The following CNDP2 variants were observed in gnomAD, a reference collection of about 807,000 sequenced individuals.
CNDP2 encodes carnosine dipeptidase 2.
In CNDP2, 38 loss-of-function variants were observed where a neutral mutation model predicts 55.0. The observed-to-expected ratio is 0.69, with a 90% CI of 0.53 to 0.90. CNDP2 has a LOEUF of 0.90. Among genes scored for constraint, CNDP2 ranks in the 40% least tolerant of loss-of-function variants. The pLI is 0.00. For missense variants in CNDP2, 607 were observed against 621.7 expected (o/e 0.98, Z 0.25); for synonymous variants, 241 against 260.2 (o/e 0.93, Z 0.71).
intron 3 of CNDP2, among the ~76,000 whole-genome samples, chr18:74,503,805 G>A (rs1978847617): frequency 6.6e-6 from 1 of 152,076 alleles, no homozygotes; most frequent in Admixed American, 6.5e-5. Flanking sequence ...TGCACACGCA[G>A]CCACAGTGCC....
intron 4 of CNDP2, among the ~76,000 whole-genome samples, chr18:74,506,713 G>C (rs889616867): frequency 2.6e-5 from 4 of 152,218 alleles, no homozygotes. Flanking sequence ...TGCCCCAGTG[G>C]GGGTGGCGAT....
At chr18:74,512,330 A>C (rs1286229339) in intron 6 of CNDP2, 118 bp from the exon 7 acceptor site, 1 of 925,254 alleles carries the variant, frequency 1.1e-6, no homozygotes, top group Non-Finnish European at 1.6e-6. Context: ...CTGAGGGAGC[A>C]AATTTTGATT....
chr18:74,503,001 C>A (rs757928508), intron 3 of CNDP2, among the ~76,000 whole-genome samples: 1 of 151,284 alleles, frequency 6.6e-6, no homozygotes, highest in Non-Finnish European at 1.5e-5. Flanking sequence ...ATTTTCCCCC[C>A]ATCTTTGGGA....
At chr18:74,515,772 C>G (rs1363564015) in intron 8 of CNDP2, among the ~76,000 whole-genome samples, 1 of 152,180 alleles carries the variant, frequency 6.6e-6, no homozygotes, top group Admixed American at 6.5e-5. Flanking sequence ...CAGCCTGGCT[C>G]TCCTCTCTCA....
At position 74,520,444 on chromosome 18, in the gene CNDP2, C is replaced by G. The variant is rs1599075572; in HGVS notation, c.*376C>G. The G allele has an allele frequency of 4.7e-6, 1 of 212,166 alleles. No homozygotes were observed. Among genetic ancestry groups the G allele is most frequent in the African/African-American group, 2.3e-5 (1 of 42,788 alleles). 13.1% of individuals were successfully genotyped at this position (212,166 alleles called of 1,614,324 possible). ...CCAAGACAGGAGGATCACTTGAGGC[C>G]AGGAGTCTGAGACAAGCCTAGGCAA... On this transcript the variant is annotated 3_prime_UTR_variant, in exon 12 of 12. Coordinates refer to ENST00000324262, the MANE Select transcript of CNDP2 (RefSeq NM_018235.3).
intron 6 of CNDP2, chr18:74,512,140 T>C: frequency 3.5e-6 from 1 of 289,086 alleles, no homozygotes; most frequent in Non-Finnish European, 6.6e-6. Context: ...TCAGCAGAGG[T>C]GCAGGGTCTT....
chr18:74,506,150 T>C lies in CNDP2; in HGVS notation c.367+139T>C, dbSNP rs931457827. 4 of 814,502 alleles carry C rather than the reference T, an allele frequency of 4.9e-6. No individual in the cohort carries two copies. In the African/African-American group the frequency reaches 7.1e-5, roughly 15 times the overall value. 50.5% of individuals were successfully genotyped at this position (814,502 alleles called of 1,614,324 possible). A position where few individuals can be genotyped will look rare whatever the true frequency, so the allele number is the denominator to read the frequency against. On this transcript the variant is annotated intron_variant, in intron 4 of 11. Coordinates refer to ENST00000324262, the MANE Select transcript of CNDP2 (RefSeq NM_018235.3). ...TTTATTACTTTTTAAAAATCTTTTT[T>C]TGAGACAGAGTCTCACTCTGTAGCT...
chr18:74,519,225 G>A, intron 11 of CNDP2, 129 bp downstream of exon 11: 1 of 1,220,978 alleles, frequency 8.2e-7, no homozygotes, highest in South Asian at 1.7e-5. Context: ...CTGCCCTCCT[G>A]TATTTGTGTG....
intron 8 of CNDP2, 133 bp downstream of exon 8, chr18:74,513,852 A>T: frequency 1.1e-6 from 1 of 894,440 alleles, no homozygotes; most frequent in Admixed American, 2.9e-5. Context: ...CACATGAGTC[A>T]CTCAGAAAGC....
intron 10 of CNDP2, 141 bp from the exon 11 acceptor site, chr18:74,518,808 C>A: frequency 6.9e-7 from 1 of 1,439,974 alleles, no homozygotes; most frequent in Non-Finnish European, 9.6e-7. Context: ...GCCTGGACCC[C>A]TGGCGGACCT....
Position 74,516,362 on chromosome 18 carries a change from G to T in CNDP2, c.1038G>T (p.Pro346=). 6.2e-7 allele frequency: 1 copy of T among 1,613,540 alleles called. No individual in the cohort carries two copies. The highest frequency in any genetic ancestry group is 1.1e-5 in the South Asian group (1 of 91,018). ...VVGKFSIRLV[P]NMTPEVVGEQ... is the part of the protein sequence containing the mutation. ...GCAAGTTCTCCATCAGGCTCGTGCCGAACATGACTCCTGAAGTCGTCGGCG... is the reference window on the plus strand; with the variant it reads ...GCAAGTTCTCCATCAGGCTCGTGCCTAACATGACTCCTGAAGTCGTCGGCG... The change falls in exon 9 of 12, where the codon CCG becomes CCT. Residue 346 remains proline, a synonymous_variant. Transcript: ENST00000324262.
At chr18:74,508,581 GC>G in intron 4 of CNDP2, 1 of 444,682 alleles carries the variant, frequency 2.2e-6, no homozygotes, top group Non-Finnish European at 4.1e-6. Flanking sequence ...AGGAAGCCAT[GC>G]CCCCACCTGA....
chr18:74,512,605 C>A, intron 7 of CNDP2, 73 bp downstream of exon 7: 1 of 1,316,586 alleles, frequency 7.6e-7, no homozygotes, highest in Non-Finnish European at 1.1e-6. Flanking sequence ...TGTCTGTCAT[C>A]AGCATTGGGT....
At chr18:74,510,699 C>G (rs897559827) in intron 5 of CNDP2, 114 bp from the exon 6 acceptor site, 1 of 891,070 alleles carries the variant, frequency 1.1e-6, no homozygotes, top group Non-Finnish European at 1.8e-6. Flanking sequence ...ACACGGAGGC[C>G]CATGTGGTCT....
At chr18:74,518,903 T>C (rs1979882596) in intron 10 of CNDP2, 46 bp from the exon 11 acceptor site, 1 of 1,610,454 alleles carries the variant, frequency 6.2e-7, no homozygotes, top group Non-Finnish European at 8.5e-7. Flanking sequence ...ATCCCCAGCC[T>C]TAGGGCCCCA....
chr18:74,509,046 C>A, intron 5 of CNDP2, 118 bp downstream of exon 5: 1 of 794,506 alleles, frequency 1.3e-6, no homozygotes, highest in Non-Finnish European at 2.1e-6. Flanking sequence ...AGACAAGCGT[C>A]CCCCAGCCCT....
chr18:74,512,564 G>A (rs369469915), intron 7 of CNDP2, 32 bp downstream of exon 7: 7 of 1,586,540 alleles, frequency 4.4e-6, no homozygotes, highest in Non-Finnish European at 6.1e-6. Flanking sequence ...GTCCGCAGTT[G>A]AGGGGAAGTG....
At chr18:74,508,567 C>G in intron 4 of CNDP2, 4 of 407,750 alleles carry the variant, frequency 9.8e-6, no homozygotes, top group Non-Finnish European at 1.8e-5. Context: ...CACCCTGACC[C>G]AGCAGGAAGC....
intron 8 of CNDP2, among the ~76,000 whole-genome samples, chr18:74,514,412 T>C (rs1333018287): frequency 1.3e-5 from 2 of 151,976 alleles, no homozygotes; most frequent in African/African-American, 4.8e-5. Flanking sequence ...GGTACGTATG[T>C]AAGTTCTGCA....
Sources: allele counts gnomAD v4.1 joint callset (sites outside exome capture counted in the v4.1 genomes callset), GRCh38; gene constraint gnomAD v4.1.1; transcripts MANE v1.5; gene names NCBI Gene and HGNC (gene_info 2026-07-23, HGNC 2026-07-21).